Variants in ZFP91 observed in about 807,000 individuals in gnomAD.
ZFP91 encodes the protein E3 ubiquitin-protein ligase ZFP91.
ZFP91 carries 7 observed loss-of-function variants against 63.5 expected under a neutral mutation model. The ratio of observed to expected loss-of-function variants is 0.11; its 90% CI spans 0.06 to 0.21. The LOEUF is 0.21. Ranked by LOEUF, ZFP91 falls within the 10% of genes least tolerant of loss-of-function variation. The pLI is 1.00. For missense variants in ZFP91, 628 were observed against 736.6 expected, an observed-to-expected ratio of 0.85 and a Z score of 1.71; for synonymous variants, 330 against 272.1, an observed-to-expected ratio of 1.21 and a Z score of -2.10.
chr11:58,580,074 T>C (rs1405422673), intron 1 of ZFP91, among the ~76,000 whole-genome samples: 1 of 150,136 alleles, frequency 6.7e-6, no homozygotes, highest in African/African-American at 2.5e-5. Flanking sequence ...GAGCCAGATG[T>C]ACTAGTGTGT....
chr11:58,607,169 G>C (rs1446688350), intron 2 of ZFP91, among the ~76,000 whole-genome samples: 1 of 151,850 alleles, frequency 6.6e-6, no homozygotes. Context: ...AGTCCAACTC[G>C]GTACAGTTGG....
chr11:58,587,947 G>A (rs1383822274), intron 2 of ZFP91, among the ~76,000 whole-genome samples: 1 of 152,096 alleles, frequency 6.6e-6, no homozygotes, highest in Non-Finnish European at 1.5e-5. Flanking sequence ...GTAGATGTGG[G>A]CAGTGCTTCA....
At position 58,619,826 on chromosome 11, in the gene ZFP91, A is replaced by G. The variant is rs963627590; in HGVS notation, c.*2120A>G. On this transcript the variant is annotated 3_prime_UTR_variant, in exon 11 of 11. Coordinates refer to ENST00000316059, the MANE Select transcript of ZFP91 (RefSeq NM_053023.5). ...TATATTGACTAGATTTGAAAATACAAGATTGATTAGATGAATCTACAAAAA... is the reference window on the plus strand; with the variant it reads ...TATATTGACTAGATTTGAAAATACAGGATTGATTAGATGAATCTACAAAAA... 1.3e-5 allele frequency: 2 copies of G among 152,454 alleles called. No homozygotes were observed. Among genetic ancestry groups the G allele is most frequent in the African/African-American group, 2.4e-5 (1 of 41,458 alleles). 9.4% of individuals were successfully genotyped at this position (152,454 alleles called of 1,614,324 possible).
At position 58,610,334 on chromosome 11, in the gene ZFP91, G is replaced by C; in HGVS notation, c.617G>C (p.Ser206Thr). 1 of 1,581,508 alleles carries C rather than the reference G, an allele frequency of 6.3e-7. No individual in the cohort carries two copies. Residue 206 changes from serine to threonine, a missense_variant and splice_region_variant, in exon 4 of 11, where the codon AGT (serine) becomes ACT (threonine). Physicochemically the swap from Ser to Thr is moderately conservative, Grantham distance 58 (BLOSUM62 1). Transcript: ENST00000316059. ...GEEHQSPGGI[S>T]SEEEEEEEEE... is the part of the protein sequence containing the mutation. ...GAGCATCAGTCTCCAGGTGGCATTA[G>C]GTAAAAAAAACATTAATATTTCATT...
At chr11:58,611,932 C>T (rs1211434124) in intron 6 of ZFP91, 194 bp downstream of exon 6, 4 of 618,808 alleles carry the variant, frequency 6.5e-6, no homozygotes, top group African/African-American at 3.8e-5. Flanking sequence ...TTAGGTTTTT[C>T]AGTTCTATTG....
chr11:58,583,654 T>C (rs1054162018), intron 1 of ZFP91, among the ~76,000 whole-genome samples: 6 of 152,114 alleles, frequency 3.9e-5, no homozygotes, highest in Admixed American at 1.3e-4. Flanking sequence ...TTCAAAAATT[T>C]AGCAATTATT....
chr11:58,598,306 C>G (rs1159722001), intron 2 of ZFP91, among the ~76,000 whole-genome samples: 3 of 152,044 alleles, frequency 2.0e-5, no homozygotes, highest in Non-Finnish European at 2.9e-5. Flanking sequence ...TTTATGCATT[C>G]ATGACATAAC....
chr11:58,608,049 GTTA>G (rs953880234), intron 2 of ZFP91, among the ~76,000 whole-genome samples: 27 of 151,570 alleles, frequency 1.8e-4, no homozygotes, highest in African/African-American at 5.8e-4. Flanking sequence ...TTCCAGAAAT[GTTA>G]TTATAGTATG....
intron 2 of ZFP91, among the ~76,000 whole-genome samples, chr11:58,594,085 A>C (rs1033580101): frequency 3.9e-5 from 6 of 152,206 alleles, no homozygotes; most frequent in Admixed American, 1.3e-4. Flanking sequence ...TGAACATTAA[A>C]AATGCAAATC....
In ZFP91 at chr11:58,618,353, C is replaced by G. The variant is rs1348172097; in HGVS notation, c.*647C>G. 2.8e-5 allele frequency: 6 copies of G among 212,378 alleles called. No individual in the cohort carries two copies. The highest frequency in any genetic ancestry group is 6.5e-5 in the South Asian group (1 of 15,336). 13.2% of individuals were successfully genotyped at this position (212,378 alleles called of 1,614,324 possible). ...TCTTTGATCCCAGCATCTCAGTCCC[C>G]CTCCCAACCCTCCATATGGCTCTCA... On this transcript the variant is annotated 3_prime_UTR_variant, in exon 11 of 11. Transcript: ENST00000316059.
Position 58,617,855 on chromosome 11 carries a change from C to G in ZFP91, c.*149C>G. On this transcript the variant is annotated 3_prime_UTR_variant, in exon 11 of 11. Coordinates refer to ENST00000316059, the MANE Select transcript of ZFP91 (RefSeq NM_053023.5). The surrounding 1 kb of genome is among the most constrained non-coding windows in gnomAD (Gnocchi z 4.2). ...GTGGATCACAGCACACACATACATA[C>G]ACCCTCCACCTCCCCATCCCCTGTT... is the stretch of plus-strand genomic sequence containing the variant. 1 of 1,014,964 alleles carries G rather than the reference C, an allele frequency of 9.9e-7. No homozygotes were observed. Among genetic ancestry groups the G allele is most frequent in the Non-Finnish European group, 1.3e-6 (1 of 764,370 alleles). 62.9% of individuals were successfully genotyped at this position (1,014,964 alleles called of 1,614,324 possible). A position where few individuals can be genotyped will look rare whatever the true frequency, so the allele number is the denominator to read the frequency against.
intron 2 of ZFP91, among the ~76,000 whole-genome samples, chr11:58,599,004 C>T (rs1855451155): frequency 6.6e-6 from 1 of 152,054 alleles, no homozygotes; most frequent in South Asian, 2.1e-4. Flanking sequence ...TCTGCTTTGT[C>T]TCTATGGATT....
chr11:58,616,866 CT>C lies in ZFP91; in HGVS notation c.1202+53del, dbSNP rs776755556. 2.6e-6 allele frequency: 4 copies of C among 1,550,270 alleles called. No homozygotes were observed. The East Asian group carries it at 9.0e-5, about 35-fold the overall frequency. ...CTGGGTGAGAAGGATATATGCCCTA[CT>C]TGAAGGTTTGCCGCTTTACAAACAT... On this transcript the variant is annotated intron_variant, in intron 10 of 10. Coordinates refer to ENST00000316059, the MANE Select transcript of ZFP91 (RefSeq NM_053023.5).
intron 2 of ZFP91, among the ~76,000 whole-genome samples, chr11:58,592,955 G>C (rs1855332950): frequency 6.6e-6 from 1 of 152,132 alleles, no homozygotes; most frequent in Non-Finnish European, 1.5e-5. Flanking sequence ...CAGAGTGAGA[G>C]CGAGAGAGAG....
chr11:58,583,031 A>C (rs984204817), intron 1 of ZFP91, among the ~76,000 whole-genome samples: 13 of 152,260 alleles, frequency 8.5e-5, no homozygotes, highest in Admixed American at 2.6e-4. Context: ...AATTACAGTT[A>C]TTTCAAGTGC....
intron 1 of ZFP91, among the ~76,000 whole-genome samples, chr11:58,582,634 C>G (rs999374101): frequency 6.6e-6 from 1 of 152,180 alleles, no homozygotes; most frequent in Non-Finnish European, 1.5e-5. Flanking sequence ...GGACTTTAGT[C>G]AGAAAGTTTT....
chr11:58,601,935 C>A (rs1213232248), intron 2 of ZFP91, among the ~76,000 whole-genome samples: 1 of 150,780 alleles, frequency 6.6e-6, no homozygotes, highest in Non-Finnish European at 1.5e-5. Flanking sequence ...TTTTTTTTTT[C>A]CCCCAAGATG....
In ZFP91 at chr11:58,620,434, G is replaced by A. The variant is rs994260460; in HGVS notation, c.*2728G>A. The stretch of plus-strand genomic sequence containing the variant: ...TGCATATTTCCATCTTGAATTGGTG[G>A]TTCTAAATTCTGAAACTGTAGTTGA... On this transcript the variant is annotated 3_prime_UTR_variant, in exon 11 of 11. Transcript: ENST00000316059. 1 of 152,306 alleles carries A rather than the reference G, an allele frequency of 6.6e-6. No individual in the cohort carries two copies. The allele number at this position is 152,306 out of a possible 1,614,324, so 9.4% of individuals were successfully genotyped here. A position where few individuals can be genotyped will look rare whatever the true frequency, so the allele number is the denominator to read the frequency against.
intron 2 of ZFP91, among the ~76,000 whole-genome samples, chr11:58,606,642 C>G (rs1418565154): frequency 1.3e-5 from 2 of 151,936 alleles, no homozygotes; most frequent in Non-Finnish European, 2.9e-5. Flanking sequence ...CAACCTCCCC[C>G]CAATAATCTC....
Sources: gnomAD v4.1 joint callset for allele counts (sites outside exome capture counted in the v4.1 genomes callset) on GRCh38, gnomAD v4.1.1 for gene constraint, Gnocchi (gnomAD v3.1) non-coding constraint, MANE v1.5 for transcripts, NCBI Gene and HGNC (gene_info 2026-07-23, HGNC 2026-07-21) for gene names.